The following CIB4 variants were observed in gnomAD, a reference collection of about 807,000 sequenced individuals.
The protein encoded by CIB4 is calcium and integrin-binding family member 4.
In CIB4, 25 loss-of-function variants were observed where a neutral mutation model predicts 25.8. The ratio of observed to expected loss-of-function variants is 0.97; its 90% CI spans 0.71 to 1.35. The LOEUF (loss-of-function observed/expected upper bound fraction) is 1.35. Among genes scored for constraint, CIB4 ranks in the 40% most tolerant of loss-of-function variants. The pLI is 0.00. For missense variants in CIB4, 235 were observed against 228.2 expected (o/e 1.03, Z -0.19); for synonymous variants, 75 against 81.4 (o/e 0.92, Z 0.42).
chr2:26,618,854 C>G (rs965115614), intron 3 of CIB4, among the ~76,000 whole-genome samples: 1 of 152,162 alleles, frequency 6.6e-6, no homozygotes, highest in Admixed American at 6.5e-5. Flanking sequence ...GAGATGCTGA[C>G]GGGCATGACC....
chr2:26,589,072 C>CT lies in CIB4; in HGVS notation c.329-5175dup, dbSNP rs1668524568. Among the ~76,000 whole-genome samples, 16 of 40,826 alleles carry CT rather than the reference C, an allele frequency of 3.9e-4. 1 individual carries two copies. Among genetic ancestry groups the CT allele is most frequent in the African/African-American group, 1.4e-3 (10 of 7,266 alleles). 26.8% of individuals were successfully genotyped at this position (40,826 alleles called of 152,430 possible). A position where few individuals can be genotyped will look rare whatever the true frequency, so the allele number is the denominator to read the frequency against. ...CTTCTTCTTCTTCCTCTTCCTCTTC[C>CT]TCTTCTTCTTCTTCTTCTTCTTCTT... On this transcript the variant is annotated intron_variant, in intron 4 of 6. Transcript: ENST00000288861.
intron 3 of CIB4, among the ~76,000 whole-genome samples, chr2:26,628,698 G>A (rs1477607169): frequency 2.0e-5 from 3 of 152,212 alleles, no homozygotes; most frequent in Non-Finnish European, 4.4e-5. Flanking sequence ...AAAAAGGCAG[G>A]TTGGGAGGAC....
At chr2:26,587,304 CAAAAAAA>C (rs71399396) in intron 4 of CIB4, among the ~76,000 whole-genome samples, 5 of 61,466 alleles carry the variant, frequency 8.1e-5, no homozygotes, top group Non-Finnish European at 1.3e-4. Context: ...GACTCCGTCT[CAAAAAAA>C]AAAAAAAAAA....
chr2:26,629,160 A>G (rs1244381705), intron 3 of CIB4, among the ~76,000 whole-genome samples: 1 of 151,978 alleles, frequency 6.6e-6, no homozygotes, highest in Non-Finnish European at 1.5e-5. Flanking sequence ...CCACCTGAGA[A>G]GTAGTGACTG....
intron 1 of CIB4, 101 bp from the exon 2 acceptor site, chr2:26,640,668 C>G: frequency 1.6e-6 from 2 of 1,283,134 alleles, no homozygotes; most frequent in Non-Finnish European, 2.2e-6. Flanking sequence ...AATGCCCATT[C>G]TTTTGCTGCA....
intron 4 of CIB4, among the ~76,000 whole-genome samples, chr2:26,585,955 G>T (rs1349480489): frequency 2.0e-5 from 3 of 152,046 alleles, no homozygotes; most frequent in African/African-American, 7.2e-5. Context: ...AGCCACTCAG[G>T]CCAACCTGGA....
chr2:26,641,320 C>A lies in CIB4; in HGVS notation c.-6G>T. ...TACCTCAAGCATTGCCCCATGCCAA[C>A]CACACCTTTCTGTCTGCCAGCAGTA... On this transcript the variant is annotated 5_prime_UTR_variant, in exon 1 of 7. Transcript: ENST00000288861. 2 of 1,613,260 alleles carry A rather than the reference C, an allele frequency of 1.2e-6. No individual in the cohort carries two copies. The highest frequency in any genetic ancestry group is 1.7e-6 in the Non-Finnish European group (2 of 1,179,298).
intron 3 of CIB4, among the ~76,000 whole-genome samples, chr2:26,613,615 A>G (rs1669038054): frequency 6.6e-6 from 1 of 152,168 alleles, no homozygotes; most frequent in East Asian, 1.9e-4. Flanking sequence ...GGCTGCTATC[A>G]TTGGATTCAT....
At chr2:26,604,112 G>A (rs1458044719) in intron 3 of CIB4, among the ~76,000 whole-genome samples, 4 of 151,942 alleles carry the variant, frequency 2.6e-5, no homozygotes, top group Non-Finnish European at 4.4e-5. Flanking sequence ...GGACATGGTG[G>A]TTCATGCCTG....
chr2:26,622,130 G>A (rs2148218450), intron 3 of CIB4, among the ~76,000 whole-genome samples: 1 of 152,278 alleles, frequency 6.6e-6, no homozygotes, highest in African/African-American at 2.4e-5. Context: ...GGAGGCCGAG[G>A]CGGGTGGATC....
chr2:26,583,718 CG>C, intron 5 of CIB4, 70 bp downstream of exon 5: 2 of 1,013,670 alleles, frequency 2.0e-6, no homozygotes, highest in Non-Finnish European at 3.1e-6. Context: ...GCCTGACATC[CG>C]GGGGCTTTGG....
intron 3 of CIB4, among the ~76,000 whole-genome samples, chr2:26,596,677 G>A (rs886203991): frequency 3.3e-5 from 5 of 151,958 alleles, no homozygotes; most frequent in African/African-American, 1.2e-4. Flanking sequence ...AACCTGGGAG[G>A]CAGGGGCTGC....
chr2:26,590,284 A>AAAAAAAAC (rs1553373370), intron 4 of CIB4, among the ~76,000 whole-genome samples: 1 of 150,084 alleles, frequency 6.7e-6, no homozygotes, highest in African/African-American at 2.5e-5. Context: ...AAAAAAAAAA[A>AAAAAAAAC]CTCACAGGTG....
intron 3 of CIB4, among the ~76,000 whole-genome samples, chr2:26,606,968 A>G (rs186715692): frequency 4.1e-4 from 62 of 152,334 alleles, no homozygotes; most frequent in African/African-American, 1.4e-3. Context: ...TTAAACAGCC[A>G]TGGGATCATG....
At chr2:26,617,272 C>CTA (rs1470554939) in intron 3 of CIB4, among the ~76,000 whole-genome samples, 1 of 152,080 alleles carries the variant, frequency 6.6e-6, no homozygotes, top group Non-Finnish European at 1.5e-5. Flanking sequence ...ACAGGAGCCT[C>CTA]TAGCTCAGGG....
intron 2 of CIB4, among the ~76,000 whole-genome samples, chr2:26,638,737 G>C (rs1350994863): frequency 6.6e-6 from 1 of 152,172 alleles, no homozygotes; most frequent in African/African-American, 2.4e-5. Flanking sequence ...AGGATCACTG[G>C]AGGTCAGGAG....
intron 3 of CIB4, among the ~76,000 whole-genome samples, chr2:26,626,049 T>C (rs1350910597): frequency 6.6e-6 from 1 of 152,242 alleles, no homozygotes; most frequent in African/African-American, 2.4e-5. Context: ...GTTGTAGGTG[T>C]GTGGCCTTAT....
intron 3 of CIB4, among the ~76,000 whole-genome samples, chr2:26,601,226 AAAAAAATATATAT>A (rs60771242): frequency 0.049 from 2,794 of 57,146 alleles, 150 homozygotes; most frequent in East Asian, 0.13. Context: ...TCAAAAAAAA[AAAAAAATATATAT>A]ATATATATAT....
chr2:26,595,142 C>T (rs777193727), intron 4 of CIB4, 34 bp downstream of exon 4: 3 of 1,587,380 alleles, frequency 1.9e-6, no homozygotes, highest in Non-Finnish European at 2.6e-6. Flanking sequence ...ATGGCCTTTC[C>T]ACCCCTCACC....
Sources: allele counts gnomAD v4.1 joint callset (sites outside exome capture counted in the v4.1 genomes callset), GRCh38; gene constraint gnomAD v4.1.1; transcripts MANE v1.5; gene names NCBI Gene and HGNC (gene_info 2026-07-23, HGNC 2026-07-21).